TDP1: variants seen among roughly 807,000 people sequenced by gnomAD.
TDP1 encodes tyr-DNA phosphodiesterase 1.
Under a neutral mutation model 81.5 loss-of-function variants are expected in TDP1, and 64 were observed. That is an observed-to-expected ratio of 0.79 (90% CI 0.64 to 0.97). The LOEUF (loss-of-function observed/expected upper bound fraction) is 0.97, where lower values mean the gene tolerates loss of function less well. Ranked by LOEUF, TDP1 falls within the 50% of genes least tolerant of loss-of-function variation. TDP1 has a pLI of 0.00. For missense variants in TDP1, 723 were observed against 743.8 expected, an observed-to-expected ratio of 0.97 and a Z score of 0.33; for synonymous variants, 256 against 264.3, an observed-to-expected ratio of 0.97 and a Z score of 0.30.
intron 8 of TDP1, 174 bp downstream of exon 8, chr14:89,980,806 C>T: frequency 1.6e-6 from 1 of 626,320 alleles, no homozygotes; most frequent in Non-Finnish European, 2.8e-6. Flanking sequence ...CTACCTGCCC[C>T]ATTCTACCTT....
At chr14:90,042,548 A>G (rs1389464855) in intron 16 of TDP1, among the ~76,000 whole-genome samples, 2 of 152,190 alleles carry the variant, frequency 1.3e-5, no homozygotes, top group African/African-American at 4.8e-5. Flanking sequence ...GAGACTGGGT[A>G]ATTTATAAAG....
rs1566890736 is a variant in TDP1 at position 89,998,377 on chromosome 14, TATATATATATATA to T, written c.1541+4895_1541+4907del. Among the ~76,000 whole-genome samples, 52 of 5,520 alleles carry T rather than the reference TATATATATATATA, an allele frequency of 9.4e-3. 1 individual carries two copies. The highest frequency in any genetic ancestry group is 0.016 in the African/African-American group (49 of 3,112). The allele number at this position is 5,520 out of a possible 152,430, so 3.6% of individuals were successfully genotyped here. On this transcript the variant is annotated intron_variant, in intron 14 of 16. Coordinates refer to ENST00000335725, the MANE Select transcript of TDP1 (RefSeq NM_018319.4). ...CAGGCACAGTTCCAAGCACATTATA[TATATATATATATA>T]TATATATATATATATATATATATAT... is the stretch of plus-strand genomic sequence containing the variant.
At chr14:89,976,296 C>T (rs1894308570) in intron 7 of TDP1, among the ~76,000 whole-genome samples, 1 of 151,704 alleles carries the variant, frequency 6.6e-6, no homozygotes, top group Non-Finnish European at 1.5e-5. Flanking sequence ...ACAGGGGTCT[C>T]ACTTTGTGAC....
chr14:89,983,060 C>T (rs1395357576), intron 8 of TDP1: 1 of 451,456 alleles, frequency 2.2e-6, no homozygotes, highest in African/African-American at 2.0e-5. Context: ...GTTAAAAATG[C>T]CTCATATCTC....
intron 2 of TDP1, among the ~76,000 whole-genome samples, chr14:89,957,958 G>A (rs182971568): frequency 2.6e-5 from 4 of 152,274 alleles, no homozygotes; most frequent in African/African-American, 4.8e-5. Flanking sequence ...CCCAGATCCC[G>A]TGGCCACTAT....
chr14:89,959,933 C>T (rs1411897852), intron 2 of TDP1, among the ~76,000 whole-genome samples: 2 of 152,190 alleles, frequency 1.3e-5, no homozygotes, highest in Admixed American at 6.5e-5. Context: ...GATTCTGCAA[C>T]TGCTTCTGAG....
At chr14:90,020,287 C>T (rs1216580932) in intron 15 of TDP1, among the ~76,000 whole-genome samples, 3 of 130,776 alleles carry the variant, frequency 2.3e-5, no homozygotes, top group African/African-American at 1.1e-4. Flanking sequence ...ACTGTGGGTA[C>T]ACACACACAG....
At chr14:90,040,996 G>A (rs552490346) in intron 16 of TDP1, among the ~76,000 whole-genome samples, 1 of 152,294 alleles carries the variant, frequency 6.6e-6, no homozygotes, top group Non-Finnish European at 1.5e-5. Context: ...TAATTTTGAG[G>A]GAGAGGAGTA....
chr14:89,989,918 G>A (rs77542187), intron 12 of TDP1, among the ~76,000 whole-genome samples, 153 bp downstream of exon 12: 11 of 152,170 alleles, frequency 7.2e-5, no homozygotes, highest in Admixed American at 6.5e-4. Flanking sequence ...TCTGCATTCC[G>A]CAGATGATAC....
intron 14 of TDP1, among the ~76,000 whole-genome samples, chr14:90,015,372 T>C (rs1885190692): frequency 6.6e-6 from 1 of 152,174 alleles, no homozygotes; most frequent in Non-Finnish European, 1.5e-5. Context: ...GACAGAATGT[T>C]CATATTGGGG....
chr14:90,013,927 A>G (rs1437153607), intron 14 of TDP1, among the ~76,000 whole-genome samples: 1 of 152,140 alleles, frequency 6.6e-6, no homozygotes, highest in East Asian at 1.9e-4. Flanking sequence ...CATGATTGTG[A>G]AGCCTCCCTA....
chr14:90,027,065 CA>C (rs1459120323), intron 15 of TDP1, among the ~76,000 whole-genome samples: 4 of 152,212 alleles, frequency 2.6e-5, no homozygotes, highest in African/African-American at 9.7e-5. Flanking sequence ...AACTAGTTTA[CA>C]GTCCCACCAA....
At chr14:89,976,854 A>G (rs1288889709) in intron 7 of TDP1, among the ~76,000 whole-genome samples, 1 of 151,994 alleles carries the variant, frequency 6.6e-6, no homozygotes, top group Non-Finnish European at 1.5e-5. Context: ...CTTAATTCAG[A>G]GTTTAAAATG....
chr14:89,958,534 G>A (rs1225028798), intron 2 of TDP1: 1 of 152,240 alleles, frequency 6.6e-6, no homozygotes, highest in African/African-American at 2.4e-5. Context: ...ATGAGGGAGT[G>A]TGTGCTCCAT....
chr14:89,989,455 A>G lies in TDP1; in HGVS notation c.1318-262A>G, dbSNP rs549725466. 6 of 979,208 alleles carry G rather than the reference A, an allele frequency of 6.1e-6. No individual in the cohort carries two copies. In the African/African-American group the frequency reaches 1.0e-4, roughly 17 times the overall value. The allele number at this position is 979,208 out of a possible 1,614,324, so 60.7% of individuals were successfully genotyped here. On this transcript the variant is annotated intron_variant, in intron 11 of 16. Transcript: ENST00000335725. ...TAATTATTTAGAGAACTGTGAATTAATAATTAATTTTCCATTCAATGTTAA... is the reference window on the plus strand; with the variant it reads ...TAATTATTTAGAGAACTGTGAATTAGTAATTAATTTTCCATTCAATGTTAA...
At chr14:89,998,372 T>TTTTATATA (rs1555390517) in intron 14 of TDP1, among the ~76,000 whole-genome samples, 3 of 53,124 alleles carry the variant, frequency 5.6e-5, no homozygotes, top group African/African-American at 2.5e-4. Flanking sequence ...TCCAAGCACA[T>TTTTATATA]TATATATATA....
chr14:90,020,890 G>A (rs1886011678), intron 15 of TDP1, among the ~76,000 whole-genome samples: 1 of 150,278 alleles, frequency 6.7e-6, no homozygotes, highest in Admixed American at 6.6e-5. Context: ...CCACCTCCAG[G>A]GTTCAAGTGA....
chr14:89,992,685 T>C (rs1472070182), intron 13 of TDP1, among the ~76,000 whole-genome samples: 1 of 152,224 alleles, frequency 6.6e-6, no homozygotes, highest in African/African-American at 2.4e-5. Context: ...CTCATTTAAA[T>C]ATTATATTAT....
rs774417652 is a variant in TDP1, at chr14:89,989,004, T to G, written c.1231T>G (p.Trp411Gly). 1 of 1,614,080 alleles carries G rather than the reference T, an allele frequency of 6.2e-7. No individual in the cohort carries two copies. The highest frequency in any genetic ancestry group is 1.7e-5 in the Admixed American group (1 of 60,014). ...VGSLGADESK[W>G]LCSEFKESML... ...CTCCTTGGGAGCCGATGAATCAAAG[T>G]GGTTATGTTCTGAGTTTAAAGAGAG... Residue 411 changes from tryptophan to glycine, a missense_variant, in exon 11 of 17, where the codon TGG (tryptophan) becomes GGG (glycine). Transcript: ENST00000335725.
Sources: gnomAD v4.1 joint callset for allele counts (sites outside exome capture counted in the v4.1 genomes callset) on GRCh38, gnomAD v4.1.1 for gene constraint, MANE v1.5 for transcripts, NCBI Gene and HGNC (gene_info 2026-07-23, HGNC 2026-07-21) for gene names.